Variants in DCLK1 observed in about 807,000 individuals in gnomAD.
DCLK1 encodes the protein serine/threonine-protein kinase DCLK1.
Under a neutral mutation model 86.2 loss-of-function variants are expected in DCLK1, and 16 were observed. The ratio of observed to expected loss-of-function variants is 0.19; its 90% confidence interval spans 0.13 to 0.28. The LOEUF (loss-of-function observed/expected upper bound fraction) is 0.28, where lower values mean the gene tolerates loss of function less well. DCLK1 is among the 10% of genes least tolerant of loss of function. The pLI is 1.00. For missense variants in DCLK1, 590 were observed against 940.2 expected (o/e 0.63, Z 4.87); for synonymous variants, 369 against 370.5 (o/e 1.00, Z 0.05).
intron 4 of DCLK1, among the ~76,000 whole-genome samples, chr13:35,945,806 C>T (rs1877349714): frequency 6.6e-6 from 1 of 152,080 alleles, no homozygotes; most frequent in African/African-American, 2.4e-5. Flanking sequence ...ATCTGTGCCT[C>T]AAAGGGCACG....
At chr13:36,045,716 G>C (rs891666011) in intron 3 of DCLK1, among the ~76,000 whole-genome samples, 1 of 151,960 alleles carries the variant, frequency 6.6e-6, no homozygotes, top group African/African-American at 2.4e-5. Context: ...GCCAGGTGTG[G>C]TGGTGAACGC....
intron 5 of DCLK1, among the ~76,000 whole-genome samples, chr13:35,854,979 T>C (rs1305032145): frequency 6.6e-6 from 1 of 152,200 alleles, no homozygotes; most frequent in African/African-American, 2.4e-5. Flanking sequence ...GGAATAAATA[T>C]AAGCACAGAT....
At chr13:35,958,186 C>A (rs1249278954) in intron 3 of DCLK1, among the ~76,000 whole-genome samples, 1 of 147,128 alleles carries the variant, frequency 6.8e-6, no homozygotes, top group Non-Finnish European at 1.5e-5. Flanking sequence ...ACTATAACCA[C>A]CACTACCACC....
In DCLK1 at chr13:35,772,550, C is replaced by T. The variant is rs2153096514; in HGVS notation, c.*1985G>A. The T allele has an allele frequency of 6.6e-6, 1 of 152,106 alleles. No homozygotes were observed. Among genetic ancestry groups the T allele is most frequent in the East Asian group, 1.9e-4 (1 of 5,180 alleles). 9.4% of individuals were successfully genotyped at this position (152,106 alleles called of 1,614,324 possible). Reference sequence around the variant, plus strand: ...AATATGGAATCTACCTACACACCAACACTCTTTCTGGTGTTCTGTGCCCCC... The same window carrying T: ...AATATGGAATCTACCTACACACCAATACTCTTTCTGGTGTTCTGTGCCCCC... On this transcript the variant is annotated 3_prime_UTR_variant, in exon 17 of 17. Coordinates refer to ENST00000360631, the MANE Select transcript of DCLK1 (RefSeq NM_001330071.2).
At chr13:35,932,513 T>C (rs1172610101) in intron 4 of DCLK1, among the ~76,000 whole-genome samples, 2 of 152,238 alleles carry the variant, frequency 1.3e-5, no homozygotes, top group African/African-American at 4.8e-5. Context: ...AATTGGACTT[T>C]ACAGTTCCAC....
chr13:35,787,170 T>TACCA (rs1165452994), intron 16 of DCLK1, among the ~76,000 whole-genome samples: 1 of 151,902 alleles, frequency 6.6e-6, no homozygotes, highest in Non-Finnish European at 1.5e-5. Context: ...ATATATATTT[T>TACCA]AATTTTTTGG....
At chr13:35,832,798 T>C (rs931341732) in intron 8 of DCLK1, among the ~76,000 whole-genome samples, 1 of 152,098 alleles carries the variant, frequency 6.6e-6, no homozygotes, top group African/African-American at 2.4e-5. Flanking sequence ...AAGTGGAATT[T>C]GATTTTGAAT....
intron 3 of DCLK1, among the ~76,000 whole-genome samples, chr13:36,072,250 G>A (rs1428797658): frequency 1.3e-5 from 2 of 152,182 alleles, no homozygotes; most frequent in African/African-American, 4.8e-5. Flanking sequence ...AGCAGTGTAT[G>A]CACAAGTGTC....
intron 3 of DCLK1, among the ~76,000 whole-genome samples, chr13:35,992,680 T>A (rs1484776943): frequency 2.0e-5 from 3 of 152,156 alleles, no homozygotes; most frequent in Non-Finnish European, 2.9e-5. Flanking sequence ...TGATCATATG[T>A]TCAATTTGCC....
In DCLK1 at chr13:36,103,274, G is replaced by A. The variant is rs539050407; in HGVS notation, c.723+8595C>T. Among the ~76,000 whole-genome samples, 92 of 152,018 alleles carry A rather than the reference G, an allele frequency of 6.1e-4. 1 individual carries two copies. Among genetic ancestry groups the A allele is most frequent in the Non-Finnish European group, 1.2e-3 (80 of 67,968 alleles). On this transcript the variant is annotated intron_variant, in intron 3 of 16. Coordinates refer to ENST00000360631, the MANE Select transcript of DCLK1 (RefSeq NM_001330071.2). ...AAATTAGCTGGGTGTGGTGGCACGCGCCTGTAATCCCAGCTACTTGGGAGG... is the reference window on the plus strand; with the variant it reads ...AAATTAGCTGGGTGTGGTGGCACGCACCTGTAATCCCAGCTACTTGGGAGG...
At chr13:35,818,832 AC>A (rs1438748370) in intron 11 of DCLK1, among the ~76,000 whole-genome samples, 2 of 151,876 alleles carry the variant, frequency 1.3e-5, no homozygotes, top group Non-Finnish European at 2.9e-5. Context: ...TTAGTCATGA[AC>A]CATCATGGCA....
chr13:35,880,341 A>C (rs1467023380), intron 4 of DCLK1, among the ~76,000 whole-genome samples: 3 of 152,080 alleles, frequency 2.0e-5, no homozygotes, highest in Non-Finnish European at 2.9e-5. Context: ...CTGTGTGCGA[A>C]CCCGAGTGTT....
intron 5 of DCLK1, among the ~76,000 whole-genome samples, chr13:35,870,456 G>T (rs139487330): frequency 6.6e-6 from 1 of 152,064 alleles, no homozygotes; most frequent in Non-Finnish European, 1.5e-5. Context: ...AGGCCCCAGA[G>T]GTCTTTATTC....
chr13:36,034,146 A>G (rs1882396232), intron 3 of DCLK1, among the ~76,000 whole-genome samples: 1 of 152,154 alleles, frequency 6.6e-6, no homozygotes, highest in African/African-American at 2.4e-5. Flanking sequence ...GAAGTCATGA[A>G]TATAAAAAAT....
At chr13:35,823,355 G>GCACACACACACA (rs34702154) in intron 10 of DCLK1, among the ~76,000 whole-genome samples, 181 of 147,860 alleles carry the variant, frequency 1.2e-3, no homozygotes, top group African/African-American at 4.4e-3. Context: ...TTATTAGGAT[G>GCACACACACACA]CACACACACA....
chr13:35,955,361 ATCTGGTG>A (rs1877923296), intron 3 of DCLK1, among the ~76,000 whole-genome samples: 2 of 152,188 alleles, frequency 1.3e-5, no homozygotes, highest in Admixed American at 1.3e-4. Flanking sequence ...GCACCAGATG[ATCTGGTG>A]TCTGGTGAGG....
intron 5 of DCLK1, among the ~76,000 whole-genome samples, chr13:35,864,543 C>A (rs1376835970): frequency 1.8e-5 from 1 of 54,554 alleles, no homozygotes; most frequent in African/African-American, 1.0e-4. Flanking sequence ...CCAGCCTGGG[C>A]GACAGAGCGA....
intron 3 of DCLK1, among the ~76,000 whole-genome samples, chr13:36,109,581 A>T (rs1415844119): frequency 6.6e-6 from 1 of 152,246 alleles, no homozygotes; most frequent in African/African-American, 2.4e-5. Context: ...AACAATGCTC[A>T]ATAAAGCTAT....
intron 3 of DCLK1, among the ~76,000 whole-genome samples, chr13:36,033,066 A>G (rs1882350511): frequency 6.6e-6 from 1 of 152,206 alleles, no homozygotes; most frequent in Admixed American, 6.5e-5. Context: ...CGCCAAACAT[A>G]TCATTCTGAT....
Sources: allele counts gnomAD v4.1 joint callset (sites outside exome capture counted in the v4.1 genomes callset), GRCh38; gene constraint gnomAD v4.1.1; transcripts MANE v1.5; gene names NCBI Gene and HGNC (gene_info 2026-07-23, HGNC 2026-07-21).